KYNU: variants seen among roughly 807,000 people sequenced by gnomAD.
KYNU encodes the protein L-kynurenine hydrolase.
In KYNU, 54 loss-of-function variants were observed where a neutral mutation model predicts 59.2. The ratio of observed to expected loss-of-function variants is 0.91; its 90% CI spans 0.73 to 1.14. KYNU has a LOEUF of 1.14. Ranked by LOEUF, KYNU falls within the 50% of genes most tolerant of loss-of-function variation. The probability of loss-of-function intolerance (pLI) is 0.00; values close to 1 mark genes in which losing one functional copy is unlikely to be tolerated. For missense variants in KYNU, 567 were observed against 554.4 expected, an observed-to-expected ratio of 1.02 and a Z score of -0.23; for synonymous variants, 177 against 192.0, an observed-to-expected ratio of 0.92 and a Z score of 0.65.
intron 2 of KYNU, among the ~76,000 whole-genome samples, chr2:142,918,369 T>C (rs1214012576): frequency 1.3e-5 from 2 of 152,170 alleles, no homozygotes; most frequent in Admixed American, 1.3e-4. Context: ...GATTTCCTCA[T>C]GGAGCACAGT....
At chr2:143,014,772 A>G (rs955213739) in intron 10 of KYNU, among the ~76,000 whole-genome samples, 1 of 152,244 alleles carries the variant, frequency 6.6e-6, no homozygotes, top group African/African-American at 2.4e-5. Context: ...TCCAAACAAT[A>G]GGATATGAGT....
At chr2:142,917,178 C>T (rs540197347) in intron 2 of KYNU, among the ~76,000 whole-genome samples, 4 of 152,222 alleles carry the variant, frequency 2.6e-5, no homozygotes, top group African/African-American at 9.6e-5. Context: ...AAGGTAAATA[C>T]AATAAATGCT....
chr2:142,946,699 T>C (rs1028035392), intron 4 of KYNU, among the ~76,000 whole-genome samples: 2 of 152,214 alleles, frequency 1.3e-5, no homozygotes, highest in African/African-American at 4.8e-5. Context: ...CCTATTATTT[T>C]TTGAATGGTA....
intron 12 of KYNU, among the ~76,000 whole-genome samples, chr2:143,034,553 T>A (rs563846405): frequency 6.6e-6 from 1 of 152,322 alleles, no homozygotes; most frequent in Non-Finnish European, 1.5e-5. Flanking sequence ...AAAGCGCACC[T>A]ACTCAGTTTA....
At chr2:142,901,147 G>A (rs934458858) in intron 2 of KYNU, among the ~76,000 whole-genome samples, 1 of 152,030 alleles carries the variant, frequency 6.6e-6, no homozygotes, top group Non-Finnish European at 1.5e-5. Context: ...CTGACTATCT[G>A]CTTGTTAGTT....
intron 4 of KYNU, among the ~76,000 whole-genome samples, chr2:142,952,169 C>T (rs963771518): frequency 6.6e-6 from 1 of 152,086 alleles, no homozygotes; most frequent in Non-Finnish European, 1.5e-5. Context: ...CCACCTTCCC[C>T]AGGCTCAAGC....
chr2:142,911,610 C>G (rs1297317180), intron 2 of KYNU, among the ~76,000 whole-genome samples: 2 of 151,938 alleles, frequency 1.3e-5, no homozygotes, highest in Non-Finnish European at 2.9e-5. Context: ...TGGGAGATAT[C>G]TTTGATTTGT....
chr2:142,977,434 A>G (rs976943077), intron 8 of KYNU, among the ~76,000 whole-genome samples: 1 of 140,854 alleles, frequency 7.1e-6, no homozygotes, highest in Non-Finnish European at 1.6e-5. Flanking sequence ...TATAAGAGCC[A>G]TAGGATTAAA....
At position 142,985,078 on chromosome 2, in the gene KYNU, C is replaced by T; in HGVS notation, c.730-6C>T. On this transcript the variant is annotated splice_region_variant and splice_polypyrimidine_tract_variant and intron_variant, in intron 8 of 13. Transcript: ENST00000264170. ...ACTTAAAGCTTATTATTGTGTTCTTCCCTAGGGTTGTTATGTTGGCTTTGA... is the reference window on the plus strand; with the variant it reads ...ACTTAAAGCTTATTATTGTGTTCTTTCCTAGGGTTGTTATGTTGGCTTTGA... The T allele has an allele frequency of 6.5e-7, 1 of 1,541,306 alleles. No homozygotes were observed. Among genetic ancestry groups the T allele is most frequent in the Non-Finnish European group, 9.0e-7 (1 of 1,114,278 alleles).
chr2:142,960,518 ACT>A, intron 7 of KYNU, 104 bp from the exon 8 acceptor site: 1 of 993,394 alleles, frequency 1.0e-6, no homozygotes, highest in Non-Finnish European at 1.5e-6. Flanking sequence ...GAAAAAAAAA[ACT>A]ATTTTATAAT....
chr2:142,969,527 C>T lies in KYNU; in HGVS notation c.729+8757C>T, dbSNP rs184584054. On this transcript the variant is annotated intron_variant, in intron 8 of 13. Coordinates refer to ENST00000264170, the MANE Select transcript of KYNU (RefSeq NM_003937.3). ...AAATATGTTGGTGAGGATCAGTGCC[C>T]AAGAATCTGAAAATTTTGAGCTGTT... Among the ~76,000 whole-genome samples the T allele has an allele frequency of 1.4e-3, 216 of 152,254 alleles. 2 individuals carry two copies. Among genetic ancestry groups the T allele is most frequent in the Non-Finnish European group, 1.7e-3 (114 of 68,030 alleles).
At chr2:143,010,631 T>C (rs1040419700) in intron 10 of KYNU, among the ~76,000 whole-genome samples, 3 of 145,440 alleles carry the variant, frequency 2.1e-5, no homozygotes, top group East Asian at 2.2e-4. Flanking sequence ...AGAACAAAGC[T>C]GGAGGCATCA....
At chr2:142,996,264 G>A (rs1156880946) in intron 10 of KYNU, among the ~76,000 whole-genome samples, 2 of 152,104 alleles carry the variant, frequency 1.3e-5, no homozygotes, top group Non-Finnish European at 2.9e-5. Flanking sequence ...CATTTTGGCT[G>A]ATGATAGATG....
chr2:142,965,433 C>T (rs953311752), intron 8 of KYNU, among the ~76,000 whole-genome samples: 23 of 149,940 alleles, frequency 1.5e-4, no homozygotes, highest in Admixed American at 2.7e-4. Flanking sequence ...TTTCTCACCA[C>T]GAAAGACTTG....
chr2:142,901,449 T>C (rs1292726791), intron 2 of KYNU, among the ~76,000 whole-genome samples: 1 of 152,144 alleles, frequency 6.6e-6, no homozygotes, highest in Non-Finnish European at 1.5e-5. Context: ...TTGTGGCTCT[T>C]TTAGCTTTAA....
chr2:142,999,904 A>G (rs951177303), intron 10 of KYNU, among the ~76,000 whole-genome samples: 1 of 152,178 alleles, frequency 6.6e-6, no homozygotes. Context: ...TTTCTTTATC[A>G]AATGAACATG....
At chr2:142,918,860 A>G in intron 3 of KYNU, 131 bp downstream of exon 3, 1 of 1,065,364 alleles carries the variant, frequency 9.4e-7, no homozygotes, top group African/African-American at 1.6e-5. Flanking sequence ...TCTGTGGAGG[A>G]TTAGTTCCAG....
chr2:142,889,404 T>C (rs1047963999), intron 2 of KYNU, among the ~76,000 whole-genome samples: 2 of 152,146 alleles, frequency 1.3e-5, no homozygotes, highest in African/African-American at 2.4e-5. Flanking sequence ...ACCTGTCATA[T>C]GAAAGTCTAT....
intron 8 of KYNU, among the ~76,000 whole-genome samples, chr2:142,978,000 A>G (rs2105141632): frequency 6.6e-6 from 1 of 152,284 alleles, no homozygotes; most frequent in African/African-American, 2.4e-5. Flanking sequence ...CTTTTGAATC[A>G]TAACACTTGA....
Sources: allele counts gnomAD v4.1 joint callset (sites outside exome capture counted in the v4.1 genomes callset), GRCh38; gene constraint gnomAD v4.1.1; transcripts MANE v1.5; gene names NCBI Gene and HGNC (gene_info 2026-07-23, HGNC 2026-07-21).